The following VWA8 variants were observed in gnomAD, a reference collection of about 807,000 sequenced individuals.
VWA8 encodes the protein von Willebrand factor A domain-containing protein 8.
A neutral mutation model predicts 241.5 loss-of-function variants in VWA8; 221 were observed. The ratio of observed to expected loss-of-function variants is 0.91; its 90% CI spans 0.82 to 1.02. VWA8 has a LOEUF of 1.02. Among genes scored for constraint, VWA8 ranks in the 50% least tolerant of loss-of-function variants. VWA8 has a pLI of 0.00. For missense variants in VWA8, 2,322 were observed against 2,328.7 expected (o/e 1.00, Z 0.06); for synonymous variants, 852 against 827.1 (o/e 1.03, Z -0.52).
intron 2 of VWA8, among the ~76,000 whole-genome samples, chr13:41,916,726 A>G (rs1226458972): frequency 2.0e-5 from 3 of 152,218 alleles, no homozygotes; most frequent in Non-Finnish European, 4.4e-5. Flanking sequence ...GCTTGAAACT[A>G]GCTGTATTTT....
At chr13:41,662,066 T>C (rs2044953551) in intron 37 of VWA8, among the ~76,000 whole-genome samples, 1 of 152,246 alleles carries the variant, frequency 6.6e-6, no homozygotes, top group African/African-American at 2.4e-5. Context: ...TAAAATTAGG[T>C]AGCATGATTT....
At chr13:41,667,659 A>G (rs1830544325) in intron 37 of VWA8, among the ~76,000 whole-genome samples, 1 of 152,226 alleles carries the variant, frequency 6.6e-6, no homozygotes, top group Admixed American at 6.5e-5. Flanking sequence ...AGATGATCTG[A>G]TTTCTGAGGA....
At position 41,830,565 on chromosome 13, in the gene VWA8, T is replaced by C. The variant is rs754375505; in HGVS notation, c.1664A>G (p.Glu555Gly). The C allele has an allele frequency of 1.9e-6, 3 of 1,613,906 alleles. No individual in the cohort carries two copies. Among genetic ancestry groups the C allele is most frequent in the Admixed American group, 3.3e-5 (2 of 60,010 alleles). ...LREDRYMRLKEELQLSDEQLQ... is the reference protein window; with the variant it reads ...LREDRYMRLKGELQLSDEQLQ... Reference sequence around the variant, plus strand: ...CTGTTCATCAGACAGTTGCAGCTCCTCCTTTAAACGCATATACCTGTCTTC... The same window carrying C: ...CTGTTCATCAGACAGTTGCAGCTCCCCCTTTAAACGCATATACCTGTCTTC... Residue 555 changes from glutamate (E) to glycine (G), a missense_variant, in exon 14 of 45, where the codon GAG becomes GGG. Transcript: ENST00000379310.
At chr13:41,874,904 T>C (rs1457944246) in intron 9 of VWA8, among the ~76,000 whole-genome samples, 1 of 152,012 alleles carries the variant, frequency 6.6e-6, no homozygotes, top group Non-Finnish European at 1.5e-5. Flanking sequence ...TTACCACCCT[T>C]TCAAGAGGCA....
chr13:41,931,368 A>C lies in VWA8; in HGVS notation c.241+18568T>G, dbSNP rs532554078. The stretch of plus-strand genomic sequence containing the variant: ...GGCGGTGGGGTGCAGGGGGAGTAAA[A>C]AACACAGAGATACAGAAAAAAAACA... On this transcript the variant is annotated intron_variant, in intron 2 of 44. Coordinates refer to ENST00000379310, the MANE Select transcript of VWA8 (RefSeq NM_015058.2). Among the ~76,000 whole-genome samples the C allele has an allele frequency of 3.7e-3, 525 of 143,072 alleles. 1 individual carries two copies. The highest frequency in any genetic ancestry group is 4.7e-3 in the Non-Finnish European group (300 of 64,104). 93.9% of individuals were successfully genotyped at this position (143,072 alleles called of 152,430 possible). A position where few individuals can be genotyped will look rare whatever the true frequency, so the allele number is the denominator to read the frequency against.
At position 41,865,891 on chromosome 13, in the gene VWA8, G is replaced by T; in HGVS notation, c.1347+11C>A. 6.2e-7 allele frequency: 1 copy of T among 1,614,174 alleles called. No individual in the cohort carries two copies. Among genetic ancestry groups the T allele is most frequent in the East Asian group, 2.2e-5 (1 of 44,886 alleles). ...GAAACTAAAAGTCTGCAGTGAGACT[G>T]TCATTCTTACCTTTCCTCCAATTAA... On this transcript the variant is annotated intron_variant, in intron 11 of 44. Coordinates refer to ENST00000379310, the MANE Select transcript of VWA8 (RefSeq NM_015058.2).
intron 39 of VWA8, among the ~76,000 whole-genome samples, chr13:41,605,803 T>TA (rs2044550246): frequency 6.6e-6 from 1 of 152,202 alleles, no homozygotes; most frequent in Non-Finnish European, 1.5e-5. Flanking sequence ...AATGTGCTGC[T>TA]ATGTATCCCT....
At chr13:41,852,465 T>A (rs1334319881) in intron 12 of VWA8, among the ~76,000 whole-genome samples, 2 of 152,160 alleles carry the variant, frequency 1.3e-5, no homozygotes, top group Non-Finnish European at 2.9e-5. Flanking sequence ...TTATCTGCAT[T>A]TATCTCATTT....
chr13:41,907,769 T>C (rs1875795820), intron 3 of VWA8, 73 bp from the exon 4 acceptor site: 2 of 1,319,708 alleles, frequency 1.5e-6, no homozygotes, highest in Admixed American at 3.5e-5. Context: ...ACTAGTTATC[T>C]GACAATGCCA....
intron 17 of VWA8, among the ~76,000 whole-genome samples, chr13:41,798,524 T>A (rs187626856): frequency 3.3e-5 from 5 of 152,364 alleles, no homozygotes; most frequent in Admixed American, 2.6e-4. Flanking sequence ...GTCGGCTTGA[T>A]ATTTTTTCTC....
At chr13:41,618,531 C>A (rs1222360800) in intron 37 of VWA8, among the ~76,000 whole-genome samples, 1 of 151,826 alleles carries the variant, frequency 6.6e-6, no homozygotes, top group Non-Finnish European at 1.5e-5. Flanking sequence ...TCGGTGTTTT[C>A]GTCATGGAGT....
At chr13:41,834,336 A>G (rs1351451694) in intron 12 of VWA8, among the ~76,000 whole-genome samples, 1 of 152,230 alleles carries the variant, frequency 6.6e-6, no homozygotes, top group Non-Finnish European at 1.5e-5. Context: ...ATTTTGTGCG[A>G]CTTATAGCAA....
intron 5 of VWA8, among the ~76,000 whole-genome samples, chr13:41,890,907 A>G (rs1874805029): frequency 6.6e-6 from 1 of 152,178 alleles, no homozygotes; most frequent in African/African-American, 2.4e-5. Context: ...GGAGGTTCCT[A>G]CAGCAACCTC....
intron 3 of VWA8, among the ~76,000 whole-genome samples, chr13:41,908,621 G>A (rs1875840282): frequency 6.6e-6 from 1 of 151,868 alleles, no homozygotes; most frequent in African/African-American, 2.4e-5. Flanking sequence ...AGGAGTAGAA[G>A]GAACAGAAAG....
At chr13:41,599,501 C>A (rs936512429) in intron 40 of VWA8, among the ~76,000 whole-genome samples, 1 of 152,116 alleles carries the variant, frequency 6.6e-6, no homozygotes, top group African/African-American at 2.4e-5. Context: ...CCTCAGTACA[C>A]AACCTTTTCA....
rs551963845 is a variant in VWA8 at position 41,866,356 on chromosome 13, A to T, written c.1213-320T>A. On this transcript the variant is annotated intron_variant, in intron 10 of 44. Coordinates refer to ENST00000379310, the MANE Select transcript of VWA8 (RefSeq NM_015058.2). ...AGAGCGAGACTCTGTCCCAAAAAAA[A>T]AAATATATATATATATATATGTGTG... 7.3e-4 allele frequency among the ~76,000 whole-genome samples: 109 copies of T among 149,242 alleles called. 1 individual carries two copies. Among genetic ancestry groups the T allele is most frequent in the Admixed American group, 4.1e-3 (61 of 15,004 alleles).
In VWA8 at chr13:41,811,124, T is replaced by C. The variant is rs573828044; in HGVS notation, c.2063+101A>G. On this transcript the variant is annotated intron_variant, in intron 17 of 44. Coordinates refer to ENST00000379310, the MANE Select transcript of VWA8 (RefSeq NM_015058.2). ...TGAAATAGCTCTACATTCAGACCAATATATTTTGAAGAATTGGGAATATGC... is the reference window on the plus strand; with the variant it reads ...TGAAATAGCTCTACATTCAGACCAACATATTTTGAAGAATTGGGAATATGC... The C allele has an allele frequency of 5.1e-6, 5 of 982,090 alleles. No individual in the cohort carries two copies. In the East Asian group the frequency reaches 9.9e-5, roughly 19 times the overall value. The allele number at this position is 982,090 out of a possible 1,614,324, so 60.8% of individuals were successfully genotyped here.
intron 2 of VWA8, among the ~76,000 whole-genome samples, chr13:41,947,926 T>C (rs1422888800): frequency 2.2e-5 from 2 of 92,656 alleles, no homozygotes; most frequent in African/African-American, 4.1e-5. Flanking sequence ...AGTGAGACCC[T>C]GTCTCAAAAA....
intron 9 of VWA8, among the ~76,000 whole-genome samples, chr13:41,877,239 T>C (rs1310503742): frequency 6.6e-6 from 1 of 152,096 alleles, no homozygotes; most frequent in Non-Finnish European, 1.5e-5. Context: ...GATTTCTCAC[T>C]TTCTCTCATA....
Sources: gnomAD v4.1 joint callset for allele counts (sites outside exome capture counted in the v4.1 genomes callset) on GRCh38, gnomAD v4.1.1 for gene constraint, MANE v1.5 for transcripts, NCBI Gene and HGNC (gene_info 2026-07-23, HGNC 2026-07-21) for gene names.